The following NLRP5 variants were observed in gnomAD, a reference collection of about 807,000 sequenced individuals.
The protein encoded by NLRP5 is NACHT, LRR and PYD domains-containing protein 5.
Under a neutral mutation model 113.1 loss-of-function variants are expected in NLRP5, and 93 were observed. The ratio of observed to expected loss-of-function variants is 0.82; its 90% CI spans 0.70 to 0.98. The LOEUF is 0.98. Ranked by LOEUF, NLRP5 falls within the 50% of genes least tolerant of loss-of-function variation. NLRP5 has a pLI of 0.00. For synonymous variants in NLRP5, 751 were observed against 600.7 expected, an observed-to-expected ratio of 1.25 and a Z score of -3.66; for missense variants, 1,808 against 1,514.3, an observed-to-expected ratio of 1.19 and a Z score of -3.22.
chr19:56,029,808 G>C (rs1432657088), intron 7 of NLRP5, among the ~76,000 whole-genome samples: 1 of 151,840 alleles, frequency 6.6e-6, no homozygotes, highest in East Asian at 2.0e-4. Flanking sequence ...TGTAATCCCA[G>C]CACTTTGGGA....
At chr19:56,015,586 G>T (rs963059043) in intron 3 of NLRP5, among the ~76,000 whole-genome samples, 156 bp from the exon 4 acceptor site, 2 of 152,130 alleles carry the variant, frequency 1.3e-5, no homozygotes, top group Admixed American at 1.3e-4. Context: ...TGTTACTGGC[G>T]CACACTGCCC....
chr19:56,024,438 C>T (rs1482305273), intron 6 of NLRP5, among the ~76,000 whole-genome samples: 2 of 141,100 alleles, frequency 1.4e-5, no homozygotes, highest in Non-Finnish European at 3.0e-5. Flanking sequence ...TACACATATA[C>T]ATATATTTAT....
At chr19:56,032,554 G>T in intron 7 of NLRP5, 57 bp from the exon 8 acceptor site, 2 of 1,518,790 alleles carry the variant, frequency 1.3e-6, no homozygotes, top group South Asian at 1.2e-5. Flanking sequence ...GTGTTGCCAC[G>T]ACTGCTCATG....
chr19:56,055,533 C>CTTTTTTTTTT lies in NLRP5; in HGVS notation c.3299+1726_3299+1727insTTTTTTTTTT, dbSNP rs1491011983. 1.7e-3 allele frequency among the ~76,000 whole-genome samples: 169 copies of CTTTTTTTTTT among 99,514 alleles called. 17 individuals are homozygous for CTTTTTTTTTT. The highest frequency in any genetic ancestry group is 7.6e-3 in the Middle Eastern group (1 of 132). 65.3% of individuals were successfully genotyped at this position (99,514 alleles called of 152,430 possible). On this transcript the variant is annotated intron_variant, in intron 13 of 14. Coordinates refer to ENST00000390649, the MANE Select transcript of NLRP5 (RefSeq NM_153447.4). ...AGCTCCATGTTCTATTTTTCTTTCT[C>CTTTTTTTTTT]TGTCTTTTTTTTTTTTTTTTTTTTT...
At chr19:56,026,338 C>T (rs942612113) in intron 6 of NLRP5, among the ~76,000 whole-genome samples, 4 of 151,602 alleles carry the variant, frequency 2.6e-5, no homozygotes, top group Non-Finnish European at 5.9e-5. Context: ...ACCATCCTGG[C>T]GAACACGGTG....
intron 9 of NLRP5, among the ~76,000 whole-genome samples, chr19:56,035,499 G>A (rs999818994): frequency 1.3e-5 from 2 of 152,204 alleles, no homozygotes; most frequent in Non-Finnish European, 2.9e-5. Context: ...CAAGTGCAGA[G>A]AGCTGGAGCT....
chr19:56,032,989 T>C (rs1983181097), intron 8 of NLRP5, among the ~76,000 whole-genome samples: 1 of 152,126 alleles, frequency 6.6e-6, no homozygotes, highest in South Asian at 2.1e-4. Context: ...CTCATGCCTG[T>C]AATCCCAGCA....
chr19:56,030,714 C>CTTTTTTTTT (rs770624516), intron 7 of NLRP5, among the ~76,000 whole-genome samples: 991 of 69,364 alleles, frequency 0.014, 28 homozygotes, highest in East Asian at 0.029. Context: ...CTTTCTTCTT[C>CTTTTTTTTT]TTTTTTTTTT....
chr19:56,014,296 T>C (rs1344058812), intron 3 of NLRP5, among the ~76,000 whole-genome samples: 2 of 152,112 alleles, frequency 1.3e-5, no homozygotes, highest in East Asian at 3.9e-4. Context: ...CTGGCCAACA[T>C]GGTGAAACCC....
At chr19:56,037,826 G>A (rs1255787380) in intron 9 of NLRP5, among the ~76,000 whole-genome samples, 199 bp from the exon 10 acceptor site, 2 of 152,044 alleles carry the variant, frequency 1.3e-5, no homozygotes, top group Admixed American at 6.6e-5. Flanking sequence ...ATGAAAGGAC[G>A]TGAACCCCAT....
chr19:55,997,303 C>T (rs1009952886), upstream of NLRP5, among the ~76,000 whole-genome samples: 1 of 151,986 alleles, frequency 6.6e-6, no homozygotes, highest in Non-Finnish European at 1.5e-5. Flanking sequence ...TGAGATGAAT[C>T]CCACTTCATC....
chr19:56,006,938 A>C lies in NLRP5; in HGVS notation c.443-1850A>C, dbSNP rs1599878638. ...GTATTTTTAGTAGAGAAGGGGTTTCACCTTGTTAGCCAGGATGGTCTCGAT... is the reference window on the plus strand; with the variant it reads ...GTATTTTTAGTAGAGAAGGGGTTTCCCCTTGTTAGCCAGGATGGTCTCGAT... On this transcript the variant is annotated intron_variant, in intron 2 of 14. Transcript: ENST00000390649. Among the ~76,000 whole-genome samples the C allele has an allele frequency of 2.6e-5, 4 of 151,046 alleles. No individual in the cohort carries two copies. The South Asian group carries it at 8.3e-4, about 31-fold the overall frequency.
At chr19:55,989,519 C>T in the NLRP5 span, among the ~76,000 whole-genome samples, 3 of 152,338 alleles carry the variant, frequency 2.0e-5, no homozygotes, top group South Asian at 6.2e-4. Context: ...TCCCAAAGTT[C>T]TGGGATGACA....
intron 6 of NLRP5, among the ~76,000 whole-genome samples, chr19:56,024,584 T>TACACAC (rs369128981): frequency 0.15 from 21,660 of 147,120 alleles, 1,711 homozygotes; most frequent in South Asian, 0.29. Flanking sequence ...TATATATACA[T>TACACAC]ACACACACAC....
At chr19:56,030,901 A>G (rs1254143631) in intron 7 of NLRP5, among the ~76,000 whole-genome samples, 3 of 151,382 alleles carry the variant, frequency 2.0e-5, no homozygotes, top group Non-Finnish European at 2.9e-5. Context: ...TTTAGTAGAG[A>G]TGGGGTTTCA....
chr19:56,010,742 C>CCAAAAAAAA lies in NLRP5; in HGVS notation c.508+1889_508+1890insCAAAAAAAA, dbSNP rs1555764914. 9.7e-5 allele frequency among the ~76,000 whole-genome samples: 4 copies of CCAAAAAAAA among 41,282 alleles called. 1 individual carries two copies. The highest frequency in any genetic ancestry group is 4.2e-4 in the African/African-American group (4 of 9,612). 27.1% of individuals were successfully genotyped at this position (41,282 alleles called of 152,430 possible). ...GGGAAACAAGAGCTTAACTCTGTCTCAAAAAAAAAAAAAGTCCCTTGAAAC... is the reference window on the plus strand; with the variant it reads ...GGGAAACAAGAGCTTAACTCTGTCTCCAAAAAAAAAAAAAAAAAAAAAGTCCCTTGAAAC... On this transcript the variant is annotated intron_variant, in intron 3 of 14. Transcript: ENST00000390649.
chr19:56,058,387 C>G lies in NLRP5; in HGVS notation c.3447C>G (p.Pro1149=), dbSNP rs200532033. 1 of 1,613,644 alleles carries G rather than the reference C, an allele frequency of 6.2e-7. No homozygotes were observed. Among genetic ancestry groups the G allele is most frequent in the Non-Finnish European group, 8.5e-7 (1 of 1,179,720 alleles). The change falls in exon 14 of 15, where the codon CCC becomes CCG. Residue 1149 remains proline, a synonymous_variant. Coordinates refer to ENST00000390649, the MANE Select transcript of NLRP5 (RefSeq NM_153447.4). ...AGCTGTGTTCGGCCTTTGCCTGTCC[C>G]ACGTCTAACTTACAGATAATTGGGT...
intron 6 of NLRP5, among the ~76,000 whole-genome samples, chr19:56,024,409 T>C (rs754695760): frequency 9.7e-5 from 12 of 123,904 alleles, no homozygotes; most frequent in Non-Finnish European, 1.5e-4. Context: ...TATGTACATA[T>C]ATGTATATAT....
chr19:56,037,390 T>G (rs1983355655), intron 9 of NLRP5, among the ~76,000 whole-genome samples: 1 of 151,898 alleles, frequency 6.6e-6, no homozygotes, highest in Non-Finnish European at 1.5e-5. Context: ...AGCACTAACA[T>G]AAGTATGTGG....
Sources: gnomAD v4.1 joint callset for allele counts (sites outside exome capture counted in the v4.1 genomes callset) on GRCh38, gnomAD v4.1.1 for gene constraint, MANE v1.5 for transcripts, NCBI Gene and HGNC (gene_info 2026-07-23, HGNC 2026-07-21) for gene names.